BICDL1: variants seen among roughly 807,000 people sequenced by gnomAD.
BICDL1 encodes BICD family like cargo adaptor 1.
A neutral mutation model predicts 76.8 loss-of-function variants in BICDL1; 20 were observed. That is an observed-to-expected ratio of 0.26 (90% CI 0.18 to 0.38). The LOEUF (loss-of-function observed/expected upper bound fraction) is 0.38. BICDL1 is among the 10% of genes least tolerant of loss of function. The pLI is 1.00. For synonymous variants in BICDL1, 383 were observed against 337.1 expected (o/e 1.14, Z -1.49); for missense variants, 700 against 798.6 (o/e 0.88, Z 1.49).
chr12:120,016,312 C>T (rs892655864), intron 2 of BICDL1, among the ~76,000 whole-genome samples: 1 of 151,860 alleles, frequency 6.6e-6, no homozygotes, highest in Admixed American at 6.6e-5. Context: ...GGATTGTTTC[C>T]AATTTTCAAC....
At chr12:120,068,650 T>G (rs984651980) in intron 4 of BICDL1, among the ~76,000 whole-genome samples, 1 of 152,222 alleles carries the variant, frequency 6.6e-6, no homozygotes, top group African/African-American at 2.4e-5. Context: ...ACCCCGTCTC[T>G]ACTAAAAATA....
At chr12:120,040,751 C>CTTTTTTTTTTTT (rs57089775) in intron 2 of BICDL1, among the ~76,000 whole-genome samples, 10 of 134,306 alleles carry the variant, frequency 7.4e-5, no homozygotes, top group African/African-American at 3.1e-4. Context: ...ATAGGAAATA[C>CTTTTTTTTTTTT]TTTTTTTTTT....
chr12:120,089,602 G>T (rs911529823), intron 8 of BICDL1, among the ~76,000 whole-genome samples: 1 of 151,834 alleles, frequency 6.6e-6, no homozygotes, highest in Non-Finnish European at 1.5e-5. Flanking sequence ...GGCTGGTCTC[G>T]AACCCTCGAT....
intron 2 of BICDL1, among the ~76,000 whole-genome samples, chr12:120,040,869 T>C (rs1403290371): frequency 6.6e-6 from 1 of 151,010 alleles, no homozygotes; most frequent in Non-Finnish European, 1.5e-5. Context: ...TGCCTCAGCC[T>C]CACGAGTAGC....
At chr12:120,080,043 C>CA (rs761780528) in intron 7 of BICDL1, among the ~76,000 whole-genome samples, 27 of 152,286 alleles carry the variant, frequency 1.8e-4, no homozygotes, top group Admixed American at 3.9e-4. Flanking sequence ...GATGACTAGC[C>CA]AAAAAATGAC....
intron 2 of BICDL1, 151 bp downstream of exon 2, chr12:119,998,887 T>A (rs1951704128): frequency 1.4e-6 from 1 of 697,278 alleles, no homozygotes; most frequent in East Asian, 2.9e-5. Flanking sequence ...AGACCTCATC[T>A]CTACAAAAGT....
intron 2 of BICDL1, among the ~76,000 whole-genome samples, chr12:120,035,195 G>A (rs1044674762): frequency 6.6e-6 from 1 of 152,140 alleles, no homozygotes; most frequent in Non-Finnish European, 1.5e-5. Flanking sequence ...AATTAGCCGG[G>A]TGTGGTGGTG....
chr12:120,078,377 T>G (rs1296966916), intron 7 of BICDL1, among the ~76,000 whole-genome samples: 4 of 152,224 alleles, frequency 2.6e-5, no homozygotes, highest in African/African-American at 9.6e-5. Context: ...GCCTTCAATA[T>G]CTGACTTTTG....
chr12:120,035,793 C>T (rs1310321065), intron 2 of BICDL1, among the ~76,000 whole-genome samples: 8 of 152,192 alleles, frequency 5.3e-5, no homozygotes, highest in African/African-American at 1.9e-4. Flanking sequence ...TCTTATTTCC[C>T]TCCATAAGCA....
intron 2 of BICDL1, among the ~76,000 whole-genome samples, chr12:120,018,156 C>T (rs1039462849): frequency 1.3e-5 from 2 of 152,202 alleles, no homozygotes; most frequent in Admixed American, 1.3e-4. Context: ...ATACCGATGT[C>T]TGGTCCCACC....
chr12:120,066,723 T>C (rs1316710276), intron 4 of BICDL1, among the ~76,000 whole-genome samples: 1 of 152,230 alleles, frequency 6.6e-6, no homozygotes, highest in African/African-American at 2.4e-5. Context: ...ATTATAGTCC[T>C]TCAGTTCATG....
intron 1 of BICDL1, among the ~76,000 whole-genome samples, chr12:119,994,152 G>A (rs888749942): frequency 2.0e-5 from 3 of 151,978 alleles, no homozygotes; most frequent in East Asian, 1.9e-4. Context: ...TGCAGAGATT[G>A]TTCTCTTCCC....
chr12:120,025,847 CT>C (rs1188394540), intron 2 of BICDL1, among the ~76,000 whole-genome samples: 2 of 149,444 alleles, frequency 1.3e-5, no homozygotes, highest in African/African-American at 4.9e-5. Flanking sequence ...TCTTTTTTTT[CT>C]TTTTTTGGAG....
chr12:120,041,536 G>A (rs543006346), intron 2 of BICDL1, among the ~76,000 whole-genome samples: 1 of 152,246 alleles, frequency 6.6e-6, no homozygotes, highest in African/African-American at 2.4e-5. Flanking sequence ...GGCAGGGGGC[G>A]GGGGCAATAG....
intron 2 of BICDL1, among the ~76,000 whole-genome samples, chr12:120,002,218 A>T (rs995913946): frequency 6.6e-6 from 1 of 152,172 alleles, no homozygotes; most frequent in Non-Finnish European, 1.5e-5. Context: ...ACCCACCCTA[A>T]TGACCTCATT....
chr12:120,009,946 C>G (rs1379207746), intron 2 of BICDL1, among the ~76,000 whole-genome samples: 1 of 152,222 alleles, frequency 6.6e-6, no homozygotes, highest in African/African-American at 2.4e-5. Context: ...AACTTCTGGT[C>G]TATCTGGACC....
intron 3 of BICDL1, 62 bp downstream of exon 3, chr12:120,061,888 A>G: frequency 8.5e-7 from 1 of 1,182,618 alleles, no homozygotes; most frequent in Non-Finnish European, 1.3e-6. Flanking sequence ...GAGACAAAAA[A>G]CTGCTCTATG....
rs568975205 is a variant in BICDL1 at position 120,051,096 on chromosome 12, G to A, written c.646-10614G>A. Among the ~76,000 whole-genome samples, 16 of 149,822 alleles carry A rather than the reference G, an allele frequency of 1.1e-4. 2 individuals are homozygous for A. Among genetic ancestry groups the A allele is most frequent in the African/African-American group, 2.9e-4 (12 of 40,686 alleles). Reference sequence around the variant, plus strand: ...GCCCAGAGCTGGAGTGCCTAGAGCTGGAGTGCAATGGCGTGATCCCGGCTC... The same window carrying A: ...GCCCAGAGCTGGAGTGCCTAGAGCTAGAGTGCAATGGCGTGATCCCGGCTC... On this transcript the variant is annotated intron_variant, in intron 2 of 9. Coordinates refer to ENST00000548673, the MANE Select transcript of BICDL1 (RefSeq NM_001367886.1).
intron 2 of BICDL1, among the ~76,000 whole-genome samples, chr12:120,050,526 C>G (rs1053211273): frequency 6.6e-6 from 1 of 152,172 alleles, no homozygotes; most frequent in Admixed American, 6.5e-5. Context: ...CTCAGCCTCC[C>G]AAAGTGCTGG....
Sources: allele counts gnomAD v4.1 joint callset (sites outside exome capture counted in the v4.1 genomes callset), GRCh38; gene constraint gnomAD v4.1.1; transcripts MANE v1.5; gene names NCBI Gene and HGNC (gene_info 2026-07-23, HGNC 2026-07-21).